The following GRID2 variants were observed in gnomAD, a reference collection of about 807,000 sequenced individuals.
GRID2 encodes glutamate receptor ionotropic, delta-2.
Under a neutral mutation model 114.8 loss-of-function variants are expected in GRID2, and 33 were observed. The observed-to-expected ratio is 0.29, with a 90% CI of 0.22 to 0.38. GRID2 has a LOEUF of 0.38. GRID2 is among the 10% of genes least tolerant of loss of function. The pLI, the probability that GRID2 is intolerant of heterozygous loss-of-function variation, is 1.00. For missense variants in GRID2, 1,184 were observed against 1,257.7 expected, an observed-to-expected ratio of 0.94 and a Z score of 0.89; for synonymous variants, 505 against 449.9, an observed-to-expected ratio of 1.12 and a Z score of -1.55.
At chr4:92,921,831 A>G (rs1749368050) in intron 2 of GRID2, among the ~76,000 whole-genome samples, 1 of 152,140 alleles carries the variant, frequency 6.6e-6, no homozygotes, top group Admixed American at 6.5e-5. Flanking sequence ...CTGTTCTCAG[A>G]TCTCCAACTG....
intron 8 of GRID2, chr4:93,302,490 T>G: frequency 2.2e-6 from 1 of 445,774 alleles, no homozygotes; most frequent in South Asian, 1.6e-5. Flanking sequence ...CACTGAGCAA[T>G]GCGAACATAA....
rs138532367 is a variant in GRID2, at chr4:92,949,168, G to A, written c.245-135827G>A. 2.7e-3 allele frequency among the ~76,000 whole-genome samples: 401 copies of A among 149,936 alleles called. 5 individuals are homozygous for A. The highest frequency in any genetic ancestry group is 9.5e-3 in the African/African-American group (388 of 40,836). ...TGTGTGTGTCTGTGTGTGTGTGTGA[G>A]AGAGAGAGAGAAGGAGGGAGTATTT... On this transcript the variant is annotated intron_variant, in intron 2 of 15. Transcript: ENST00000282020.
At chr4:93,396,411 A>G (rs1427778071) in intron 9 of GRID2, among the ~76,000 whole-genome samples, 1 of 151,992 alleles carries the variant, frequency 6.6e-6, no homozygotes, top group African/African-American at 2.4e-5. Flanking sequence ...TTCTTCCAAC[A>G]CAATCACATT....
At chr4:92,929,544 G>A (rs1249362063) in intron 2 of GRID2, among the ~76,000 whole-genome samples, 1 of 151,304 alleles carries the variant, frequency 6.6e-6, no homozygotes, top group African/African-American at 2.4e-5. Flanking sequence ...ATAACAGACT[G>A]ACATAAGAGT....
At chr4:93,268,432 G>A (rs551639476) in intron 8 of GRID2, among the ~76,000 whole-genome samples, 2 of 152,108 alleles carry the variant, frequency 1.3e-5, no homozygotes, top group South Asian at 4.1e-4. Context: ...AATATATTTG[G>A]GGTTAGAGCT....
intron 2 of GRID2, among the ~76,000 whole-genome samples, chr4:93,007,148 GTATTT>G (rs1336284182): frequency 2.0e-5 from 3 of 152,020 alleles, no homozygotes; most frequent in Non-Finnish European, 4.4e-5. Flanking sequence ...ATTCTAATGA[GTATTT>G]TATAAATGGC....
At chr4:93,309,526 A>G (rs1324942964) in intron 8 of GRID2, among the ~76,000 whole-genome samples, 2 of 151,866 alleles carry the variant, frequency 1.3e-5, no homozygotes, top group Non-Finnish European at 2.9e-5. Context: ...TGACAGAGCA[A>G]GACCTTGTCT....
At chr4:93,202,506 A>G (rs1018414148) in intron 4 of GRID2, among the ~76,000 whole-genome samples, 1 of 152,200 alleles carries the variant, frequency 6.6e-6, no homozygotes, top group Admixed American at 6.5e-5. Context: ...TGGGAAAAGA[A>G]AACAATTTCC....
chr4:93,070,971 G>A (rs1446011170), intron 2 of GRID2, among the ~76,000 whole-genome samples: 2 of 151,866 alleles, frequency 1.3e-5, no homozygotes, highest in East Asian at 1.9e-4. Context: ...TCTTCTATAC[G>A]CCAAGCATAT....
intron 2 of GRID2, among the ~76,000 whole-genome samples, chr4:92,902,589 T>C (rs1036801648): frequency 1.3e-5 from 2 of 152,064 alleles, no homozygotes; most frequent in African/African-American, 4.8e-5. Flanking sequence ...CAGAACAGTT[T>C]TTCCTAGATT....
At chr4:93,374,838 C>T (rs187449325) in intron 8 of GRID2, among the ~76,000 whole-genome samples, 34 of 152,132 alleles carry the variant, frequency 2.2e-4, no homozygotes, top group Non-Finnish European at 1.8e-4. Context: ...AAATTTTGCA[C>T]GTTCCCTACA....
At chr4:92,335,732 A>G (rs142321480) in intron 1 of GRID2, among the ~76,000 whole-genome samples, 21 of 152,334 alleles carry the variant, frequency 1.4e-4, no homozygotes, top group African/African-American at 4.6e-4. Context: ...TGAGTTACTC[A>G]GAGAGATGGT....
intron 1 of GRID2, among the ~76,000 whole-genome samples, chr4:92,548,888 CT>C (rs1726427091): frequency 6.6e-6 from 1 of 152,008 alleles, no homozygotes; most frequent in South Asian, 2.1e-4. Flanking sequence ...GTACCACACA[CT>C]TTTAAACACC....
At chr4:93,740,797 C>T (rs1460208813) in intron 14 of GRID2, among the ~76,000 whole-genome samples, 2 of 151,922 alleles carry the variant, frequency 1.3e-5, no homozygotes, top group African/African-American at 4.8e-5. Context: ...ATTCACCTCT[C>T]TGTATAGTCT....
chr4:93,401,801 T>C (rs1297528124), intron 9 of GRID2, among the ~76,000 whole-genome samples: 1 of 152,146 alleles, frequency 6.6e-6, no homozygotes, highest in Non-Finnish European at 1.5e-5. Flanking sequence ...TAGGTTTTTC[T>C]AAGCAACTCA....
At chr4:93,682,516 G>T (rs1725664350) in intron 14 of GRID2, among the ~76,000 whole-genome samples, 1 of 152,002 alleles carries the variant, frequency 6.6e-6, no homozygotes, top group Admixed American at 6.6e-5. Context: ...CAATAGCAAA[G>T]ACTTGGAACC....
intron 1 of GRID2, among the ~76,000 whole-genome samples, chr4:92,479,200 GACTT>G (rs148647037): frequency 3.7e-4 from 57 of 152,190 alleles, no homozygotes; most frequent in African/African-American, 1.1e-3. Flanking sequence ...TACATTAGTG[GACTT>G]ACTTCAAGTT....
At chr4:92,408,978 T>C (rs188422323) in intron 1 of GRID2, among the ~76,000 whole-genome samples, 6 of 152,252 alleles carry the variant, frequency 3.9e-5, no homozygotes. Flanking sequence ...TCTTGCCTGA[T>C]TGTTCCTGCT....
chr4:93,264,836 G>T (rs59960560), intron 8 of GRID2, among the ~76,000 whole-genome samples: 4,926 of 149,964 alleles, frequency 0.033, 99 homozygotes, highest in South Asian at 0.086. Flanking sequence ...AGGCTGGAGT[G>T]CAGTGGCACA....
Sources: allele counts gnomAD v4.1 joint callset (sites outside exome capture counted in the v4.1 genomes callset), GRCh38; gene constraint gnomAD v4.1.1; transcripts MANE v1.5; gene names NCBI Gene and HGNC (gene_info 2026-07-23, HGNC 2026-07-21).